LRSAM1: variants seen among roughly 807,000 people sequenced by gnomAD.
The protein encoded by LRSAM1 is leucine rich repeat and sterile alpha motif containing 1.
A neutral mutation model predicts 118.1 loss-of-function variants in LRSAM1; 96 were observed. The observed-to-expected ratio is 0.81, with a 90% CI of 0.69 to 0.96. LRSAM1 has a LOEUF of 0.96. Ranked by LOEUF, LRSAM1 falls within the 40% of genes least tolerant of loss-of-function variation. The pLI, the probability that LRSAM1 is intolerant of heterozygous loss-of-function variation, is 0.00. For synonymous variants in LRSAM1, 322 were observed against 364.2 expected, an observed-to-expected ratio of 0.88 and a Z score of 1.32; for missense variants, 804 against 915.5, an observed-to-expected ratio of 0.88 and a Z score of 1.57.
intron 8 of LRSAM1, among the ~76,000 whole-genome samples, chr9:127,461,470 G>GGGCCGTAT (rs1355000080): frequency 6.6e-6 from 1 of 152,232 alleles, no homozygotes; most frequent in Non-Finnish European, 1.5e-5. Flanking sequence ...CTGAGAGCCA[G>GGGCCGTAT]GGCCGTATGG....
At chr9:127,497,211 T>TC (rs1347792719) in intron 23 of LRSAM1, 42 bp from the exon 24 acceptor site, 1 of 1,601,590 alleles carries the variant, frequency 6.2e-7, no homozygotes, top group South Asian at 1.1e-5. Context: ...TTTAGCGGGC[T>TC]CCCGCCCAGG....
intron 19 of LRSAM1, among the ~76,000 whole-genome samples, 189 bp from the exon 20 acceptor site, chr9:127,491,026 A>G (rs970981980): frequency 2.6e-5 from 4 of 152,176 alleles, no homozygotes; most frequent in African/African-American, 9.6e-5. Flanking sequence ...ACGCGAGGCC[A>G]TGAAGGAACG....
chr9:127,454,015 G>A, intron 2 of LRSAM1: 1 of 269,514 alleles, frequency 3.7e-6, no homozygotes, highest in Non-Finnish European at 7.3e-6. Flanking sequence ...GAACTCACTA[G>A]AAAGACACAG....
Position 127,462,255 on chromosome 9 carries a change from A to G in LRSAM1, c.410A>G (p.Asn137Ser), listed in dbSNP as rs1178102555. The G allele has an allele frequency of 6.2e-7, 1 of 1,613,894 alleles. No individual in the cohort carries two copies. The highest frequency in any genetic ancestry group is 8.5e-7 in the Non-Finnish European group (1 of 1,179,990). Residue 137 changes from asparagine (N) to serine (S), a missense_variant, in exon 9 of 26, where the codon AAC (asparagine) becomes AGC (serine). Physicochemically the swap from Asn to Ser is conservative, Grantham distance 46. Coordinates refer to ENST00000300417, the MANE Select transcript of LRSAM1 (RefSeq NM_001005373.4). Reference sequence around the variant, plus strand: ...TGTGCTATTGGGGTCTCTGCAGACAACAAGCTGAAGGAGCTTCCAGACACC... The same window carrying G: ...TGTGCTATTGGGGTCTCTGCAGACAGCAAGCTGAAGGAGCTTCCAGACACC... ...TQLQTLNVKD[N>S]KLKELPDTVG...
intron 9 of LRSAM1, among the ~76,000 whole-genome samples, chr9:127,464,406 T>A (rs11790775): frequency 9.2e-6 from 1 of 108,846 alleles, no homozygotes; most frequent in Non-Finnish European, 1.8e-5. Context: ...CGTGTATCTA[T>A]TGAGCACCTG....
At chr9:127,456,564 A>G (rs1834525142) in intron 5 of LRSAM1, among the ~76,000 whole-genome samples, 1 of 152,058 alleles carries the variant, frequency 6.6e-6, no homozygotes, top group Non-Finnish European at 1.5e-5. Flanking sequence ...GTCAATGCCT[A>G]AGAAAAATGC....
At chr9:127,478,853 C>T (rs1045776029) in intron 11 of LRSAM1, 81 bp from the exon 12 acceptor site, 2 of 1,437,840 alleles carry the variant, frequency 1.4e-6, no homozygotes, top group African/African-American at 2.8e-5. Context: ...AACATCAGGC[C>T]ACCCGGGGGT....
At chr9:127,483,566 G>A (rs1479434952) in intron 16 of LRSAM1, among the ~76,000 whole-genome samples, 2 of 152,118 alleles carry the variant, frequency 1.3e-5, no homozygotes, top group African/African-American at 4.8e-5. Context: ...GTTATCAGGG[G>A]GAGTGTTCAT....
intron 24 of LRSAM1, among the ~76,000 whole-genome samples, chr9:127,499,986 G>A (rs532165357): frequency 7.2e-5 from 11 of 152,086 alleles, no homozygotes; most frequent in East Asian, 3.9e-4. Context: ...AATTCAAGCC[G>A]TAGAATAAAG....
chr9:127,475,047 T>TTTATTATTATTATTA (rs149765084), intron 11 of LRSAM1, among the ~76,000 whole-genome samples: 1 of 149,176 alleles, frequency 6.7e-6, no homozygotes, highest in African/African-American at 2.5e-5. Flanking sequence ...CATTTGGGAT[T>TTTATTATTATTATTA]TTATTATTAT....
chr9:127,454,652 A>G (rs1319323039), intron 3 of LRSAM1, 53 bp downstream of exon 3: 8 of 1,552,990 alleles, frequency 5.2e-6, no homozygotes, highest in Non-Finnish European at 7.1e-6. Context: ...CTCGGTCCCC[A>G]TGGAGTAGGC....
chr9:127,464,922 G>T (rs1256360889), intron 9 of LRSAM1, among the ~76,000 whole-genome samples: 1 of 151,952 alleles, frequency 6.6e-6, no homozygotes, highest in Non-Finnish European at 1.5e-5. Flanking sequence ...GATTACAGGT[G>T]TGAGCCACCA....
In LRSAM1 at chr9:127,465,706, G is replaced by A. The variant is rs1434042614; in HGVS notation, c.529-2034G>A. The stretch of plus-strand genomic sequence containing the variant: ...TTCCCACCCAGCCACTTGTGTTACA[G>A]CAAAATCAGAGCTTCCCAGGCCTTC... On this transcript the variant is annotated intron_variant, in intron 9 of 25. Transcript: ENST00000300417. This position sits in a 1 kb window ranked among gnomAD's most constrained non-coding sequence, Gnocchi z 4.1. Among the ~76,000 whole-genome samples the A allele has an allele frequency of 6.6e-6, 1 of 152,202 alleles. No homozygotes were observed. Among genetic ancestry groups the A allele is most frequent in the Non-Finnish European group, 1.5e-5 (1 of 68,036 alleles).
At chr9:127,466,417 A>G (rs1422520466) in intron 9 of LRSAM1, among the ~76,000 whole-genome samples, 1 of 146,766 alleles carries the variant, frequency 6.8e-6, no homozygotes. Context: ...TCTATAAAAT[A>G]TGAATGTGAA....
chr9:127,481,696 C>T (rs940418340), intron 15 of LRSAM1, among the ~76,000 whole-genome samples: 7 of 152,156 alleles, frequency 4.6e-5, no homozygotes, highest in African/African-American at 1.2e-4. Context: ...AACATACGTA[C>T]ACTCCTGAAA....
intron 6 of LRSAM1, among the ~76,000 whole-genome samples, chr9:127,457,806 G>T (rs1025304221): frequency 6.6e-6 from 1 of 152,190 alleles, no homozygotes; most frequent in African/African-American, 2.4e-5. Context: ...GCCCAGGGTT[G>T]TTATGCGCAG....
intron 18 of LRSAM1, among the ~76,000 whole-genome samples, chr9:127,488,922 C>T (rs555440275): frequency 7.6e-4 from 116 of 152,216 alleles, no homozygotes; most frequent in African/African-American, 2.7e-3. Context: ...GGAGTCTTGC[C>T]GCTGCCTCCC....
rs765893788 is a variant in LRSAM1 at position 127,454,537 on chromosome 9, T to C, written c.10T>C (p.Phe4Leu). The change falls in exon 3 of 26, where the codon TTC (phenylalanine) becomes CTC (leucine). Residue 4 changes from phenylalanine to leucine, a missense_variant. Transcript: ENST00000300417. ...CTGGGAAAAGGGAAGGATGCCGCTC[T>C]TCTTCCGGAAGCGGAAACCCAGTGA... MPLFFRKRKPSEEA... is the reference protein window; with the variant it reads MPLLFRKRKPSEEA... 4 of 1,613,980 alleles carry C rather than the reference T, an allele frequency of 2.5e-6. No homozygotes were observed. Among genetic ancestry groups the C allele is most frequent in the Non-Finnish European group, 3.4e-6 (4 of 1,180,044 alleles).
intron 6 of LRSAM1, among the ~76,000 whole-genome samples, chr9:127,457,964 C>T (rs1357819233): frequency 8.4e-6 from 1 of 119,502 alleles, no homozygotes; most frequent in Non-Finnish European, 1.8e-5. Context: ...CAGATGCTTT[C>T]TTTCTTTTTT....
Sources: gnomAD v4.1 joint callset for allele counts (sites outside exome capture counted in the v4.1 genomes callset) on GRCh38, gnomAD v4.1.1 for gene constraint, Gnocchi (gnomAD v3.1) non-coding constraint, MANE v1.5 for transcripts, NCBI Gene and HGNC (gene_info 2026-07-23, HGNC 2026-07-21) for gene names.